Variants in RYR2 observed in about 807,000 individuals in gnomAD.
RYR2 encodes the protein cardiac muscle ryanodine receptor-calcium release channel.
A neutral mutation model predicts 601.1 loss-of-function variants in RYR2; 227 were observed. That is an observed-to-expected ratio of 0.38 (90% CI 0.34 to 0.42). The LOEUF (loss-of-function observed/expected upper bound fraction) is 0.42, where lower values mean the gene tolerates loss of function less well. Among genes scored for constraint, RYR2 ranks in the 10% least tolerant of loss-of-function variants. The pLI is 1.00. For missense variants in RYR2, 4,646 were observed against 6,156.5 expected, an observed-to-expected ratio of 0.75 and a Z score of 8.21; for synonymous variants, 2,223 against 2,175.1, an observed-to-expected ratio of 1.02 and a Z score of -0.61.
At chr1:237,401,175 A>T (rs1471947494) in intron 10 of RYR2, among the ~76,000 whole-genome samples, 1 of 152,202 alleles carries the variant, frequency 6.6e-6, no homozygotes, top group Non-Finnish European at 1.5e-5. Flanking sequence ...TATAAAACTC[A>T]AATTGCCTAT....
At chr1:237,814,550 G>T (rs1661584619) in intron 100 of RYR2, among the ~76,000 whole-genome samples, 1 of 125,042 alleles carries the variant, frequency 8.0e-6, no homozygotes, top group Admixed American at 7.5e-5. Context: ...CAAGTCACAG[G>T]GGGATTTTTT....
At position 237,496,690 on chromosome 1, in the gene RYR2, G is replaced by A. The variant is rs1664110784; in HGVS notation, c.2141G>A (p.Gly714Asp). Residue 714 changes from glycine (G) to aspartate (D), a missense_variant, in exon 20 of 105, where the codon GGT becomes GAT. Physicochemically the swap from Gly to Asp is moderately conservative, Grantham distance 94 (BLOSUM62 -1). Transcript: ENST00000366574. ...TACCCTGGAGGGGGCGAAGAGTGGG[G>A]TGGAAATGGTGTTGGAGATGATCTC... is the stretch of plus-strand genomic sequence containing the variant. The part of the protein sequence containing the change: ...SPYPGGGEEW[G>D]GNGVGDDLFS... The A allele has an allele frequency of 7.4e-6, 12 of 1,613,988 alleles. No individual in the cohort carries two copies. Among genetic ancestry groups the A allele is most frequent in the Admixed American group, 3.3e-5 (2 of 60,018 alleles).
intron 29 of RYR2, among the ~76,000 whole-genome samples, chr1:237,582,615 C>T (rs1209172131): frequency 6.6e-6 from 1 of 152,034 alleles, no homozygotes; most frequent in Non-Finnish European, 1.5e-5. Context: ...TTTTGCCATC[C>T]ATCTTTATGT....
intron 48 of RYR2, among the ~76,000 whole-genome samples, chr1:237,643,686 C>T (rs1046181240): frequency 4.0e-5 from 6 of 151,458 alleles, no homozygotes; most frequent in South Asian, 2.1e-4. Flanking sequence ...AATCTTGGCT[C>T]ACTGCAAGCT....
intron 1 of RYR2, among the ~76,000 whole-genome samples, chr1:237,216,766 C>T (rs1243966464): frequency 6.9e-6 from 1 of 144,906 alleles, no homozygotes; most frequent in African/African-American, 2.6e-5. Context: ...AAAAAAAAAA[C>T]AAAAAACAAA....
At chr1:237,477,271 G>A (rs1448302475) in intron 17 of RYR2, among the ~76,000 whole-genome samples, 1 of 152,012 alleles carries the variant, frequency 6.6e-6, no homozygotes, top group Non-Finnish European at 1.5e-5. Context: ...CGCACCTGTA[G>A]TCCCTGCTAC....
chr1:237,468,012 CCAT>C (rs535104915), intron 16 of RYR2, among the ~76,000 whole-genome samples: 135 of 152,180 alleles, frequency 8.9e-4, no homozygotes, highest in Non-Finnish European at 1.6e-3. Context: ...GCGCCCACCA[CCAT>C]GCCTGGCTAA....
chr1:237,044,955 T>C (rs1257591857), intron 1 of RYR2, among the ~76,000 whole-genome samples: 1 of 88,996 alleles, frequency 1.1e-5, no homozygotes, highest in Non-Finnish European at 2.9e-5. Context: ...TTCTTCTTCT[T>C]CTTTTTTTTT....
intron 2 of RYR2, among the ~76,000 whole-genome samples, chr1:237,322,580 C>A (rs1380063282): frequency 6.6e-6 from 1 of 152,038 alleles, no homozygotes; most frequent in East Asian, 1.9e-4. Context: ...CACAGAACTC[C>A]CTAGAGACAA....
Position 237,610,546 on chromosome 1 carries a change from C to T in RYR2, c.4684-216C>T, listed in dbSNP as rs759545453. Among the ~76,000 whole-genome samples the T allele has an allele frequency of 1.4e-4, 22 of 152,236 alleles. No homozygotes were observed. The East Asian group carries it at 1.7e-3, about 12-fold the overall frequency. On this transcript the variant is annotated intron_variant, in intron 35 of 104. Transcript: ENST00000366574. This position sits in a 1 kb window ranked among gnomAD's most constrained non-coding sequence, Gnocchi z 4.9. ...ACATCCCGAAACCTGTTTGACTGCC[C>T]GGAAGGTGTAGGTATTCTCTCTCAT...
At chr1:237,542,645 T>G (rs1354243944) in intron 25 of RYR2, among the ~76,000 whole-genome samples, 1 of 152,170 alleles carries the variant, frequency 6.6e-6, no homozygotes, top group Non-Finnish European at 1.5e-5. Context: ...TGTGAGTCAC[T>G]GTTCCTTCTC....
intron 1 of RYR2, among the ~76,000 whole-genome samples, chr1:237,051,180 T>G (rs1572454037): frequency 1.3e-5 from 1 of 77,328 alleles, no homozygotes; most frequent in Non-Finnish European, 2.4e-5. Flanking sequence ...CCCTTCCCCC[T>G]TCCCTCCTTT....
At chr1:237,271,433 A>C (rs1015790540) in intron 2 of RYR2, among the ~76,000 whole-genome samples, 1 of 152,212 alleles carries the variant, frequency 6.6e-6, no homozygotes, top group African/African-American at 2.4e-5. Context: ...ATTATTCCTG[A>C]TTCCTAATTG....
At chr1:237,687,567 A>T in intron 63 of RYR2, 63 bp downstream of exon 63, 1 of 1,257,516 alleles carries the variant, frequency 8.0e-7, no homozygotes, top group East Asian at 2.4e-5. Context: ...CCATTTTTGC[A>T]CTGTGTTGTG....
intron 1 of RYR2, among the ~76,000 whole-genome samples, chr1:237,195,303 G>C (rs561045722): frequency 3.9e-5 from 6 of 152,186 alleles, no homozygotes; most frequent in Non-Finnish European, 8.8e-5. Flanking sequence ...GCCCAAACTG[G>C]AGTGCAATGA....
chr1:237,431,016 G>A (rs1292470508), intron 12 of RYR2, among the ~76,000 whole-genome samples: 1 of 152,146 alleles, frequency 6.6e-6, no homozygotes, highest in African/African-American at 2.4e-5. Context: ...CTTTAACTGA[G>A]CAATTTAGTT....
chr1:237,705,460 G>T, intron 67 of RYR2, 117 bp downstream of exon 67: 1 of 817,722 alleles, frequency 1.2e-6, no homozygotes, highest in Non-Finnish European at 1.9e-6. Context: ...AATCTTGTTT[G>T]TTCTTAAATG....
At chr1:237,479,359 A>G (rs1434753634) in intron 17 of RYR2, among the ~76,000 whole-genome samples, 3 of 152,056 alleles carry the variant, frequency 2.0e-5, no homozygotes, top group Admixed American at 6.5e-5. Flanking sequence ...CTTACTTTAC[A>G]CTTGCTAACT....
At chr1:237,347,138 A>G (rs1230419829) in intron 3 of RYR2, among the ~76,000 whole-genome samples, 1 of 152,016 alleles carries the variant, frequency 6.6e-6, no homozygotes, top group East Asian at 1.9e-4. Context: ...CTGGGCAACA[A>G]AGAGAGACCC....
Sources: allele counts gnomAD v4.1 joint callset (sites outside exome capture counted in the v4.1 genomes callset), GRCh38; gene constraint gnomAD v4.1.1; non-coding constraint Gnocchi (gnomAD v3.1); transcripts MANE v1.5; gene names NCBI Gene and HGNC (gene_info 2026-07-23, HGNC 2026-07-21).